Variants in CHST15 observed in about 807,000 individuals in gnomAD.
CHST15 encodes the protein B cell RAG associated protein (GALNAC4S-6ST).
In CHST15, 30 loss-of-function variants were observed where a neutral mutation model predicts 53.6. The ratio of observed to expected loss-of-function variants is 0.56; its 90% CI spans 0.42 to 0.76. The LOEUF is 0.76. Among genes scored for constraint, CHST15 ranks in the 30% least tolerant of loss-of-function variants. CHST15 has a pLI of 0.00. For missense variants in CHST15, 627 were observed against 740.5 expected (o/e 0.85, Z 1.78); for synonymous variants, 296 against 289.8 (o/e 1.02, Z -0.22).
rs1947482026 is a variant in CHST15, at chr10:124,036,026, C to T, written c.1190+2489G>A. ...ACAAGGCTGCTGTGTGCACTCTCGGCCCCTGAGGTTAAGGCGTGGTCTGAC... is the reference window on the plus strand; with the variant it reads ...ACAAGGCTGCTGTGTGCACTCTCGGTCCCTGAGGTTAAGGCGTGGTCTGAC... On this transcript the variant is annotated intron_variant, in intron 5 of 7. Transcript: ENST00000435907. This position sits in a 1 kb window ranked among gnomAD's most constrained non-coding sequence, Gnocchi z 5.1. Among the ~76,000 whole-genome samples the T allele has an allele frequency of 2.0e-5, 3 of 152,230 alleles. No individual in the cohort carries two copies. Among genetic ancestry groups the T allele is most frequent in the Admixed American group, 2.0e-4 (3 of 15,286 alleles).
chr10:124,089,623 G>C (rs1431701367), intron 1 of CHST15, among the ~76,000 whole-genome samples: 1 of 152,146 alleles, frequency 6.6e-6, no homozygotes, highest in East Asian at 1.9e-4. Context: ...CCCCTGTTCA[G>C]GGGGTGGGTG....
intron 1 of CHST15, among the ~76,000 whole-genome samples, chr10:124,063,820 A>G (rs1948668025): frequency 6.6e-6 from 1 of 152,258 alleles, no homozygotes; most frequent in African/African-American, 2.4e-5. Context: ...GGCAGCTGCC[A>G]GCTCTGGAAG....
chr10:124,023,114 C>T (rs1373227855), intron 5 of CHST15, among the ~76,000 whole-genome samples: 1 of 152,036 alleles, frequency 6.6e-6, no homozygotes, highest in Non-Finnish European at 1.5e-5. Flanking sequence ...CGGAGTCTCT[C>T]TCCTCTACTG....
chr10:124,009,290 A>C lies in CHST15; in HGVS notation c.*859T>G. Reference sequence around the variant, plus strand: ...AGCAAAAATTTCTCTTCCAATTATAAACTGAAGTTCTTGAGAAAACGTATG... The same window carrying C: ...AGCAAAAATTTCTCTTCCAATTATACACTGAAGTTCTTGAGAAAACGTATG... On this transcript the variant is annotated 3_prime_UTR_variant, in exon 8 of 8. Transcript: ENST00000435907. The C allele has an allele frequency of 9.1e-7, 1 of 1,095,940 alleles. No individual in the cohort carries two copies. Among genetic ancestry groups the C allele is most frequent in the Non-Finnish European group, 1.1e-6 (1 of 890,140 alleles). The allele number at this position is 1,095,940 out of a possible 1,614,324, so 67.9% of individuals were successfully genotyped here.
rs79319681 is a variant in CHST15 at position 124,075,974 on chromosome 10, G to A, written c.-513+17495C>T. Among the ~76,000 whole-genome samples the A allele has an allele frequency of 1.2e-3, 185 of 152,320 alleles. 5 individuals carry two copies. In the East Asian group the frequency reaches 0.029, roughly 24 times the overall value. ...CTCCGGGATCCAGAATGACAAGGAT[G>A]ACCTACAGTGGCCCCTAAAATCCTA... On this transcript the variant is annotated intron_variant, in intron 1 of 7. Coordinates refer to ENST00000435907, the MANE Select transcript of CHST15 (RefSeq NM_001270764.2).
chr10:124,010,171 G>A lies in CHST15; in HGVS notation c.1664C>T (p.Ala555Val), dbSNP rs763384902. The change falls in exon 8 of 8, where the codon GCG becomes GTG. Residue 555 changes from alanine (A) to valine (V), a missense_variant. Physicochemically the swap from Ala to Val is moderately conservative, Grantham distance 64. Coordinates refer to ENST00000435907, the MANE Select transcript of CHST15 (RefSeq NM_001270764.2). ...CTCTCACGTCGTCTTCCACGCAAAC[G>A]CCTCATCCGCGAGGACCTGCGCCAG... is the stretch of plus-strand genomic sequence containing the variant. ...ARLAQVLADE[A>V]FAWKTT The A allele has an allele frequency of 8.7e-6, 14 of 1,612,952 alleles. No individual in the cohort carries two copies. The highest frequency in any genetic ancestry group is 5.3e-5 in the African/African-American group (4 of 74,882).
chr10:124,042,702 T>C (rs1418658202), intron 3 of CHST15, among the ~76,000 whole-genome samples: 2 of 152,052 alleles, frequency 1.3e-5, no homozygotes, highest in Admixed American at 1.3e-4. Context: ...CAGTGGCAGA[T>C]TAAAGGCTGG....
At chr10:124,054,715 A>G (rs1247259660) in intron 1 of CHST15, among the ~76,000 whole-genome samples, 1 of 152,182 alleles carries the variant, frequency 6.6e-6, no homozygotes, top group East Asian at 1.9e-4. Context: ...AGGTTTCCTC[A>G]TCTGTAAAAT....
intron 1 of CHST15, among the ~76,000 whole-genome samples, chr10:124,049,687 T>C (rs1440175119): frequency 6.6e-6 from 1 of 152,228 alleles, no homozygotes; most frequent in African/African-American, 2.4e-5. Flanking sequence ...CCTCGCCCCA[T>C]GCGTCTCATC....
intron 1 of CHST15, among the ~76,000 whole-genome samples, chr10:124,084,584 A>C (rs1949360383): frequency 6.6e-6 from 1 of 152,154 alleles, no homozygotes; most frequent in Non-Finnish European, 1.5e-5. Flanking sequence ...CCAATCATCC[A>C]GGTTGTCCTT....
intron 1 of CHST15, among the ~76,000 whole-genome samples, chr10:124,059,539 A>G (rs1766816725): frequency 6.6e-6 from 1 of 152,198 alleles, no homozygotes; most frequent in African/African-American, 2.4e-5. Flanking sequence ...CTTTGACCTG[A>G]CTTCACGAAG....
At chr10:124,051,698 A>G (rs185609137) in intron 1 of CHST15, among the ~76,000 whole-genome samples, 146 of 152,374 alleles carry the variant, frequency 9.6e-4, no homozygotes, top group Non-Finnish European at 1.7e-3. Context: ...GAGAAATCAG[A>G]TAACGGGTCC....
chr10:124,049,689 C>A lies in CHST15; in HGVS notation c.-512-2965G>T, dbSNP rs142561109. On this transcript the variant is annotated intron_variant, in intron 1 of 7. Coordinates refer to ENST00000435907, the MANE Select transcript of CHST15 (RefSeq NM_001270764.2). ...CTCCTCCACCATACCTCGCCCCATG[C>A]GTCTCATCTGCTGGCTGTTTCTGCA... Among the ~76,000 whole-genome samples, 32 of 152,332 alleles carry A rather than the reference C, an allele frequency of 2.1e-4. 1 individual carries two copies. The East Asian group carries it at 5.0e-3, about 24-fold the overall frequency.
intron 1 of CHST15, among the ~76,000 whole-genome samples, chr10:124,090,413 G>A (rs907461742): frequency 2.0e-5 from 3 of 152,106 alleles, no homozygotes; most frequent in Non-Finnish European, 4.4e-5. Flanking sequence ...CCTTCCAGCC[G>A]AACTCGAAAT....
At chr10:124,033,994 A>C (rs1294848362) in intron 5 of CHST15, among the ~76,000 whole-genome samples, 1 of 152,202 alleles carries the variant, frequency 6.6e-6, no homozygotes, top group East Asian at 1.9e-4. Flanking sequence ...CAGCGTCCTA[A>C]CACACGCTGC....
In CHST15 at chr10:124,024,234, G is replaced by A. The variant is rs915569114; in HGVS notation, c.1191-2822C>T. ...CCTTATAGCAGGGTCTGTTGCAAAT[G>A]CGCCTTCTCCACTGCCCTCCCCTCT... is the stretch of plus-strand genomic sequence containing the variant. On this transcript the variant is annotated intron_variant, in intron 5 of 7. Coordinates refer to ENST00000435907, the MANE Select transcript of CHST15 (RefSeq NM_001270764.2). This position sits in a 1 kb window ranked among gnomAD's most constrained non-coding sequence, Gnocchi z 4.0. Among the ~76,000 whole-genome samples the A allele has an allele frequency of 6.6e-6, 1 of 152,168 alleles. No individual in the cohort carries two copies. The highest frequency in any genetic ancestry group is 2.4e-5 in the African/African-American group (1 of 41,428).
At position 124,008,070 on chromosome 10, in the gene CHST15, C is replaced by T. The variant is rs933763960; in HGVS notation, c.*2079G>A. On this transcript the variant is annotated 3_prime_UTR_variant, in exon 8 of 8. Coordinates refer to ENST00000435907, the MANE Select transcript of CHST15 (RefSeq NM_001270764.2). ...TGGGACTGCATATATAAAAAAGATC[C>T]GCATAATAAACCAAATAATATTGGA... 20 of 1,231,862 alleles carry T rather than the reference C, an allele frequency of 1.6e-5. No individual in the cohort carries two copies. Among genetic ancestry groups the T allele is most frequent in the African/African-American group, 6.2e-5 (4 of 64,344 alleles). The allele number at this position is 1,231,862 out of a possible 1,614,324, so 76.3% of individuals were successfully genotyped here.
At chr10:124,050,528 C>T (rs1948154060) in intron 1 of CHST15, among the ~76,000 whole-genome samples, 1 of 152,222 alleles carries the variant, frequency 6.6e-6, no homozygotes, top group African/African-American at 2.4e-5. Context: ...GGCCCCCACC[C>T]ACTGGATGCC....
At chr10:124,059,041 G>A (rs185192998) in intron 1 of CHST15, among the ~76,000 whole-genome samples, 14 of 152,268 alleles carry the variant, frequency 9.2e-5, no homozygotes, top group East Asian at 5.8e-4. Flanking sequence ...ACAGGACAGC[G>A]AGCTGGCCTA....
Sources: gnomAD v4.1 joint callset for allele counts (sites outside exome capture counted in the v4.1 genomes callset) on GRCh38, gnomAD v4.1.1 for gene constraint, Gnocchi (gnomAD v3.1) non-coding constraint, MANE v1.5 for transcripts, NCBI Gene and HGNC (gene_info 2026-07-23, HGNC 2026-07-21) for gene names.